Variants in SLC24A2 observed in about 807,000 individuals in gnomAD.
SLC24A2 encodes the protein solute carrier family 24 member 2.
A neutral mutation model predicts 62.0 loss-of-function variants in SLC24A2; 36 were observed. The observed-to-expected ratio is 0.58, with a 90% CI of 0.44 to 0.77. The LOEUF (loss-of-function observed/expected upper bound fraction) is 0.77, where lower values mean the gene tolerates loss of function less well. Among genes scored for constraint, SLC24A2 ranks in the 30% least tolerant of loss-of-function variants. SLC24A2 has a pLI of 0.00. For synonymous variants in SLC24A2, 358 were observed against 294.0 expected (o/e 1.22, Z -2.23); for missense variants, 846 against 817.9 (o/e 1.03, Z -0.42).
At chr9:20,053,608 A>T in the SLC24A2 span, among the ~76,000 whole-genome samples, 2 of 152,198 alleles carry the variant, frequency 1.3e-5, no homozygotes, top group Non-Finnish European at 2.9e-5. Context: ...TGATTAGGTC[A>T]TGAGGGTGGA....
the SLC24A2 span, among the ~76,000 whole-genome samples, chr9:19,855,192 T>C: frequency 1.2e-4 from 18 of 152,222 alleles, no homozygotes; most frequent in Admixed American, 5.9e-4. Context: ...TCTTTGCACA[T>C]AAGATGGGTC....
chr9:19,778,480 G>C (rs1380266740), intron 2 of SLC24A2, among the ~76,000 whole-genome samples: 2 of 152,086 alleles, frequency 1.3e-5, no homozygotes, highest in African/African-American at 2.4e-5. Flanking sequence ...AATCTGCCTC[G>C]CAAAGGGAGA....
intron 9 of SLC24A2, among the ~76,000 whole-genome samples, chr9:19,525,651 G>A (rs929226460): frequency 6.6e-6 from 1 of 151,254 alleles, no homozygotes; most frequent in Non-Finnish European, 1.5e-5. Flanking sequence ...GGATCTGCCT[G>A]CCTCAGCATC....
the SLC24A2 span, among the ~76,000 whole-genome samples, chr9:19,969,564 A>ACCTTCTAATT: frequency 6.6e-6 from 1 of 152,120 alleles, no homozygotes; most frequent in African/African-American, 2.4e-5. Flanking sequence ...AGTAAGTTCC[A>ACCTTCTAATT]CCTTCTAATT....
chr9:20,178,438 C>T, the SLC24A2 span, among the ~76,000 whole-genome samples: 4 of 152,128 alleles, frequency 2.6e-5, no homozygotes, highest in Non-Finnish European at 4.4e-5. Flanking sequence ...CCCCACATGT[C>T]AACATATTCT....
chr9:19,523,125 T>A (rs1833276789), intron 9 of SLC24A2, among the ~76,000 whole-genome samples: 1 of 152,212 alleles, frequency 6.6e-6, no homozygotes, highest in Non-Finnish European at 1.5e-5. Flanking sequence ...GAGACCAGAC[T>A]GGGCAATATA....
At chr9:19,914,228 T>A in the SLC24A2 span, among the ~76,000 whole-genome samples, 1 of 152,090 alleles carries the variant, frequency 6.6e-6, no homozygotes, top group South Asian at 2.1e-4. Context: ...AACCACCTCC[T>A]GTCAGATCTA....
intron 2 of SLC24A2, among the ~76,000 whole-genome samples, chr9:19,681,197 G>C (rs892466578): frequency 2.0e-5 from 3 of 151,980 alleles, no homozygotes; most frequent in African/African-American, 7.3e-5. Context: ...TGTCTCTCCA[G>C]CTGGAGAGAA....
chr9:19,812,264 TC>T, the SLC24A2 span, among the ~76,000 whole-genome samples: 3 of 152,144 alleles, frequency 2.0e-5, no homozygotes, highest in African/African-American at 7.2e-5. Flanking sequence ...TCTTCAATTT[TC>T]CCCCATATTC....
At chr9:19,642,671 CTTTTTTTT>C (rs71335440) in intron 2 of SLC24A2, among the ~76,000 whole-genome samples, 1 of 79,850 alleles carries the variant, frequency 1.3e-5, no homozygotes, top group Non-Finnish European at 2.5e-5. Flanking sequence ...AGAGCGTATT[CTTTTTTTT>C]TTTTTTTTTT....
intron 9 of SLC24A2, among the ~76,000 whole-genome samples, chr9:19,524,865 A>T (rs1486015826): frequency 6.6e-6 from 1 of 152,242 alleles, no homozygotes; most frequent in Non-Finnish European, 1.5e-5. Context: ...ACCCTGCATG[A>T]TGTTTTATAA....
At chr9:20,237,001 A>G in the SLC24A2 span, among the ~76,000 whole-genome samples, 1 of 152,196 alleles carries the variant, frequency 6.6e-6, no homozygotes, top group East Asian at 1.9e-4. Context: ...ATAAGCAAGC[A>G]GAAGCCAGGT....
chr9:20,186,716 G>A, the SLC24A2 span, among the ~76,000 whole-genome samples: 1 of 152,060 alleles, frequency 6.6e-6, no homozygotes, highest in Non-Finnish European at 1.5e-5. Flanking sequence ...GAAAAATAAT[G>A]CCTATCTCCT....
At chr9:19,624,099 CT>C (rs1817974905) in intron 2 of SLC24A2, among the ~76,000 whole-genome samples, 1 of 152,202 alleles carries the variant, frequency 6.6e-6, no homozygotes, top group African/African-American at 2.4e-5. Context: ...AGGTCCTCTC[CT>C]TTTCTTTCCT....
the SLC24A2 span, among the ~76,000 whole-genome samples, chr9:20,226,851 T>C: frequency 6.6e-6 from 1 of 152,220 alleles, no homozygotes; most frequent in Non-Finnish European, 1.5e-5. Context: ...ACCTGACTGT[T>C]TGCAAATAGA....
At chr9:19,563,839 TC>T (rs1835536856) in intron 7 of SLC24A2, among the ~76,000 whole-genome samples, 1 of 78,686 alleles carries the variant, frequency 1.3e-5, no homozygotes, top group African/African-American at 5.3e-5. Context: ...CCTCCCTCCC[TC>T]CCTCCCTCCC....
chr9:20,136,524 A>G, the SLC24A2 span, among the ~76,000 whole-genome samples: 13 of 152,288 alleles, frequency 8.5e-5, no homozygotes, highest in South Asian at 1.2e-3. Context: ...TTTCACATTT[A>G]CCAATTTTTC....
At chr9:19,528,565 A>C (rs543230978) in intron 8 of SLC24A2, among the ~76,000 whole-genome samples, 1 of 152,304 alleles carries the variant, frequency 6.6e-6, no homozygotes, top group African/African-American at 2.4e-5. Context: ...GAATCCTAAC[A>C]ATCCATATGC....
intron 5 of SLC24A2, among the ~76,000 whole-genome samples, chr9:19,579,481 A>G (rs1396716057): frequency 6.6e-6 from 1 of 152,222 alleles, no homozygotes. Context: ...AGAGGAAAAA[A>G]GGAGGTTCTG....
Sources: allele counts gnomAD v4.1 joint callset (sites outside exome capture counted in the v4.1 genomes callset), GRCh38; gene constraint gnomAD v4.1.1; transcripts MANE v1.5; gene names NCBI Gene and HGNC (gene_info 2026-07-23, HGNC 2026-07-21).